Variants in IL1F10 observed in about 807,000 individuals in gnomAD.
The protein encoded by IL1F10 is interleukin 1 family member 10.
In IL1F10, 13 loss-of-function variants were observed where a neutral mutation model predicts 13.1. The ratio of observed to expected loss-of-function variants is 0.99; its 90% CI spans 0.64 to 1.57. IL1F10 has a LOEUF of 1.57. IL1F10 is among the 40% of genes most tolerant of loss of function. IL1F10 has a pLI of 0.00. For missense variants in IL1F10, 191 were observed against 184.1 expected (o/e 1.04, Z -0.22); for synonymous variants, 78 against 68.2 (o/e 1.14, Z -0.71).
chr2:113,070,931 A>G (rs1018013731), intron 1 of IL1F10, among the ~76,000 whole-genome samples: 3 of 152,256 alleles, frequency 2.0e-5, no homozygotes, highest in Non-Finnish European at 4.4e-5. Context: ...GGCCCAGGAA[A>G]TAGTAATTAT....
At chr2:113,073,215 CACTT>C (rs1485174822) in intron 2 of IL1F10, among the ~76,000 whole-genome samples, 2 of 152,218 alleles carry the variant, frequency 1.3e-5, no homozygotes, top group Non-Finnish European at 2.9e-5. Context: ...GGGCTTCTAA[CACTT>C]ACTTACATTT....
intron 3 of IL1F10, 131 bp from the exon 4 acceptor site, chr2:113,074,592 C>A (rs753494741): frequency 5.6e-6 from 7 of 1,239,392 alleles, no homozygotes; most frequent in Non-Finnish European, 8.3e-6. Context: ...CCTGGCTCAC[C>A]GTCCAGTCTG....
chr2:113,069,819 G>A (rs1446521), intron 1 of IL1F10, among the ~76,000 whole-genome samples: 120,094 of 152,206 alleles, frequency 0.79, 48,383 homozygotes, highest in African/African-American at 0.95. Flanking sequence ...GAAATCTACA[G>A]TGGGAGAAAG....
At chr2:113,069,926 G>C (rs1446522) in intron 1 of IL1F10, among the ~76,000 whole-genome samples, 15,577 of 152,268 alleles carry the variant, frequency 0.1, 828 homozygotes, top group Middle Eastern at 0.14. Context: ...CTCCACAGAA[G>C]TTAATATTGG....
chr2:113,072,758 CAAGA>C lies in IL1F10; in HGVS notation c.21_24del (p.Arg8ThrfsTer3). On this transcript the variant is annotated frameshift_variant, in exon 2 of 5. Coordinates refer to ENST00000341010, the MANE Select transcript of IL1F10 (RefSeq NM_173161.3). LOFTEE classifies it high-confidence loss of function. ...GCAGGAATGTGTTCCCTCCCCATGGCAAGATACTACATGTAAGTTGTCCTGGCAT... is the reference window on the plus strand; with the variant it reads ...GCAGGAATGTGTTCCCTCCCCATGGCTACTACATGTAAGTTGTCCTGGCAT... 1 of 1,613,274 alleles carries C rather than the reference CAAGA, an allele frequency of 6.2e-7. No individual in the cohort carries two copies. The highest frequency in any genetic ancestry group is 1.7e-5 in the Admixed American group (1 of 59,964).
rs772443869 is a variant in IL1F10, at chr2:113,074,887, A to G, written c.246+37A>G. On this transcript the variant is annotated intron_variant, in intron 4 of 4. Transcript: ENST00000341010. ...CTCCCCATTCTAGGGGACACTGCAG[A>G]CCTGGCCTGACCCCTGGGATGCTCT... is the stretch of plus-strand genomic sequence containing the variant. 1.6e-5 allele frequency: 26 copies of G among 1,598,426 alleles called. No homozygotes were observed. In the South Asian group the frequency reaches 2.9e-4, roughly 18 times the overall value.
chr2:113,070,418 C>T (rs1312252030), intron 1 of IL1F10, among the ~76,000 whole-genome samples: 1 of 152,162 alleles, frequency 6.6e-6, no homozygotes, highest in East Asian at 1.9e-4. Flanking sequence ...CTGGACTGGA[C>T]CAGCATTGAA....
At chr2:113,074,594 T>A in intron 3 of IL1F10, 129 bp from the exon 4 acceptor site, 1 of 1,247,434 alleles carries the variant, frequency 8.0e-7, no homozygotes, top group Non-Finnish European at 1.2e-6. Context: ...TGGCTCACCG[T>A]CCAGTCTGCA....
chr2:113,069,523 G>A (rs1685796614), intron 1 of IL1F10, among the ~76,000 whole-genome samples: 2 of 152,230 alleles, frequency 1.3e-5, no homozygotes, highest in African/African-American at 4.8e-5. Flanking sequence ...CTGGTGAGAG[G>A]AATATTATGA....
intron 3 of IL1F10, 38 bp from the exon 4 acceptor site, chr2:113,074,680 GGGGTT>G (rs774427108): frequency 7.4e-6 from 12 of 1,611,242 alleles, no homozygotes; most frequent in African/African-American, 2.7e-5. Context: ...CCTGCAACAT[GGGGTT>G]CCCTTGTCCC....
At chr2:113,069,699 G>A (rs1204805265) in intron 1 of IL1F10, among the ~76,000 whole-genome samples, 1 of 152,214 alleles carries the variant, frequency 6.6e-6, no homozygotes, top group African/African-American at 2.4e-5. Flanking sequence ...GGAGCCATTA[G>A]CCCAAGATAA....
intron 2 of IL1F10, among the ~76,000 whole-genome samples, chr2:113,072,972 G>A (rs1315923940): frequency 6.6e-6 from 1 of 152,186 alleles, no homozygotes; most frequent in Non-Finnish European, 1.5e-5. Context: ...CCTCATCTCT[G>A]TTCCAAAAAG....
At position 113,068,927 on chromosome 2, in the gene IL1F10, C is replaced by T. The variant is rs28928272; in HGVS notation, c.-29+911C>T. ...AACCTTCATAACCACATAATCTAAT[C>T]CCATGAATGTATAGTGCTGAAACTG... On this transcript the variant is annotated intron_variant, in intron 1 of 4. Coordinates refer to ENST00000341010, the MANE Select transcript of IL1F10 (RefSeq NM_173161.3). Among the ~76,000 whole-genome samples the T allele has an allele frequency of 4.3e-3, 654 of 152,188 alleles. 5 individuals are homozygous for T. The highest frequency in any genetic ancestry group is 0.014 in the African/African-American group (594 of 41,522).
chr2:113,072,301 G>A (rs568373854), intron 1 of IL1F10: 37 of 158,072 alleles, frequency 2.3e-4, no homozygotes, highest in Non-Finnish European at 4.7e-4. Flanking sequence ...GGGGTGTGGT[G>A]CCCTGTTGGC....
intron 3 of IL1F10, 148 bp from the exon 4 acceptor site, chr2:113,074,575 C>A: frequency 8.7e-7 from 1 of 1,151,150 alleles, no homozygotes; most frequent in Non-Finnish European, 1.3e-6. Context: ...ATGACTCCTG[C>A]AGAAGTCCTG....
At chr2:113,068,107 C>G (rs1685773680) in intron 1 of IL1F10, 91 bp downstream of exon 1, 1 of 152,234 alleles carries the variant, frequency 6.6e-6, no homozygotes, top group Non-Finnish European at 1.5e-5. Context: ...TATCCCTTCA[C>G]TCCTCCTGGC....
At position 113,075,253 on chromosome 2, in the gene IL1F10, C is replaced by G; in HGVS notation, c.348C>G (p.Ala116=). The G allele has an allele frequency of 6.2e-7, 1 of 1,613,778 alleles. No individual in the cohort carries two copies. Among genetic ancestry groups the G allele is most frequent in the Non-Finnish European group, 8.5e-7 (1 of 1,179,754 alleles). Reference sequence around the variant, plus strand: ...CCGCCTTCAGGCTTGAGGCTGCTGCCTGGCCTGGCTGGTTCCTGTGTGGCC... The same window carrying G: ...CCGCCTTCAGGCTTGAGGCTGCTGCGTGGCCTGGCTGGTTCCTGTGTGGCC... The part of the protein sequence containing the change: ...SGSAFRLEAA[A]WPGWFLCGPA... Residue 116 remains alanine (A), a synonymous_variant, in exon 5 of 5, where the codon GCC becomes GCG. Transcript: ENST00000341010.
rs939692867 is a variant in IL1F10 at position 113,075,452 on chromosome 2, A to T, written c.*88A>T. On this transcript the variant is annotated 3_prime_UTR_variant, in exon 5 of 5. Transcript: ENST00000341010. ...ATGGTAGGCAGAATAATGTCCCCCG[A>T]AATATGTCCACATCCTAATCCCAAG... 7.6e-5 allele frequency: 71 copies of T among 930,540 alleles called. No individual in the cohort carries two copies. Among genetic ancestry groups the T allele is most frequent in the Middle Eastern group, 5.8e-4 (2 of 3,466 alleles). 57.6% of individuals were successfully genotyped at this position (930,540 alleles called of 1,614,324 possible).
At chr2:113,068,166 T>C (rs1031870378) in intron 1 of IL1F10, 150 bp downstream of exon 1, 4 of 152,216 alleles carry the variant, frequency 2.6e-5, no homozygotes, top group African/African-American at 9.7e-5. Context: ...TGATGGGACA[T>C]CAAAAACATT....
Sources: allele counts gnomAD v4.1 joint callset (sites outside exome capture counted in the v4.1 genomes callset), GRCh38; gene constraint gnomAD v4.1.1; transcripts MANE v1.5; gene names NCBI Gene and HGNC (gene_info 2026-07-23, HGNC 2026-07-21).